Variants in TRPS1 observed in about 807,000 individuals in gnomAD.
The protein encoded by TRPS1 is zinc finger transcription factor Trps1.
In TRPS1, 6 loss-of-function variants were observed where a neutral mutation model predicts 101.2. That is an observed-to-expected ratio of 0.06 (90% confidence interval 0.03 to 0.12). TRPS1 has a LOEUF of 0.12. Among genes scored for constraint, TRPS1 ranks in the 10% least tolerant of loss-of-function variants. The pLI, the probability that TRPS1 is intolerant of heterozygous loss-of-function variation, is 1.00. For missense variants in TRPS1, 1,363 were observed against 1,567.0 expected, an observed-to-expected ratio of 0.87 and a Z score of 2.20; for synonymous variants, 578 against 589.8, an observed-to-expected ratio of 0.98 and a Z score of 0.29.
chr8:115,427,431 T>C (rs1813213807), intron 5 of TRPS1, among the ~76,000 whole-genome samples: 1 of 152,214 alleles, frequency 6.6e-6, no homozygotes, highest in East Asian at 1.9e-4. Context: ...AGTCTCATTA[T>C]CTGATATCCT....
At chr8:115,464,452 G>A (rs139455416) in intron 5 of TRPS1, among the ~76,000 whole-genome samples, 30 of 152,208 alleles carry the variant, frequency 2.0e-4, no homozygotes, top group African/African-American at 6.5e-4. Flanking sequence ...TTAGGAAACT[G>A]TCTGAAGTCT....
At chr8:115,464,285 G>A (rs76958164) in intron 5 of TRPS1, among the ~76,000 whole-genome samples, 3,843 of 152,098 alleles carry the variant, frequency 0.025, 154 homozygotes, top group African/African-American at 0.086. Flanking sequence ...TATAACTAGA[G>A]TGATATTATT....
intron 1 of TRPS1, chr8:115,668,266 G>T (rs1292265656): frequency 8.9e-6 from 2 of 223,672 alleles, no homozygotes. Flanking sequence ...GAAATCACAC[G>T]CTCAAAAAGG....
Position 115,500,694 on chromosome 8 carries a change from C to T in TRPS1, c.2701-82242G>A, listed in dbSNP as rs528152986. Among the ~76,000 whole-genome samples the T allele has an allele frequency of 7.9e-5, 12 of 152,146 alleles. No homozygotes were observed. In the East Asian group the frequency reaches 9.7e-4, roughly 12 times the overall value. ...ACGCCATTCTCTTGCCTCAGCCTCC[C>T]GAGTAGCTGGGACTACAGGCGCCTG... On this transcript the variant is annotated intron_variant, in intron 5 of 6. Coordinates refer to ENST00000395715, the MANE Select transcript of TRPS1 (RefSeq NM_014112.5).
intron 5 of TRPS1, among the ~76,000 whole-genome samples, chr8:115,536,990 T>C (rs1432177842): frequency 6.6e-6 from 1 of 152,158 alleles, no homozygotes; most frequent in Non-Finnish European, 1.5e-5. Flanking sequence ...AAAAATTTCC[T>C]TATCACATCA....
At chr8:115,543,882 C>T (rs777340823) in intron 5 of TRPS1, among the ~76,000 whole-genome samples, 26 of 152,014 alleles carry the variant, frequency 1.7e-4, no homozygotes, top group Non-Finnish European at 3.1e-4. Context: ...CTCTACAACA[C>T]GTTCGATGCT....
At chr8:115,528,506 G>T (rs1381855042) in intron 5 of TRPS1, among the ~76,000 whole-genome samples, 1 of 151,946 alleles carries the variant, frequency 6.6e-6, no homozygotes, top group Non-Finnish European at 1.5e-5. Flanking sequence ...ATTTAAATAC[G>T]ATTTTAAAAG....
intron 5 of TRPS1, among the ~76,000 whole-genome samples, chr8:115,447,575 T>C (rs778263695): frequency 6.6e-6 from 1 of 152,162 alleles, no homozygotes; most frequent in Non-Finnish European, 1.5e-5. Flanking sequence ...CCAAATCCAG[T>C]TGGTATTCCT....
chr8:115,463,359 T>C (rs941433767), intron 5 of TRPS1, among the ~76,000 whole-genome samples: 3 of 152,204 alleles, frequency 2.0e-5, no homozygotes, highest in Non-Finnish European at 4.4e-5. Flanking sequence ...ATGTTCACCC[T>C]TTTCTGAGAT....
chr8:115,530,083 AG>A (rs926933038), intron 5 of TRPS1, among the ~76,000 whole-genome samples: 1 of 152,128 alleles, frequency 6.6e-6, no homozygotes, highest in African/African-American at 2.4e-5. Flanking sequence ...TTTTTAAAAA[AG>A]TTCATGTTAT....
At chr8:115,435,610 T>C (rs1813428838) in intron 5 of TRPS1, among the ~76,000 whole-genome samples, 1 of 152,278 alleles carries the variant, frequency 6.6e-6, no homozygotes, top group South Asian at 2.1e-4. Context: ...AGTGTCACTT[T>C]AAGTAAAAAT....
At chr8:115,561,927 T>A (rs1320193223) in intron 5 of TRPS1, among the ~76,000 whole-genome samples, 2 of 152,094 alleles carry the variant, frequency 1.3e-5, no homozygotes, top group Admixed American at 1.3e-4. Context: ...CCAAGCACCT[T>A]AATCATGTGC....
At chr8:115,561,530 G>A (rs1816945885) in intron 5 of TRPS1, among the ~76,000 whole-genome samples, 1 of 151,656 alleles carries the variant, frequency 6.6e-6, no homozygotes, top group Non-Finnish European at 1.5e-5. Flanking sequence ...GCAATTTGGG[G>A]GCATGTAGAA....
At chr8:115,428,402 A>T (rs972047976) in intron 5 of TRPS1, among the ~76,000 whole-genome samples, 1 of 152,220 alleles carries the variant, frequency 6.6e-6, no homozygotes, top group African/African-American at 2.4e-5. Flanking sequence ...AATGACAAAA[A>T]TACTCCTAAC....
intron 5 of TRPS1, among the ~76,000 whole-genome samples, chr8:115,467,337 A>T (rs532541900): frequency 6.6e-6 from 1 of 152,230 alleles, no homozygotes; most frequent in African/African-American, 2.4e-5. Context: ...TCAATGATTT[A>T]AAAATGCTCC....
At chr8:115,596,755 G>A (rs1817795801) in intron 4 of TRPS1, among the ~76,000 whole-genome samples, 1 of 151,522 alleles carries the variant, frequency 6.6e-6, no homozygotes. Context: ...GTATATTTCA[G>A]ATGTATTTAT....
intron 6 of TRPS1, among the ~76,000 whole-genome samples, chr8:115,417,282 T>G (rs1424265899): frequency 6.6e-6 from 1 of 152,186 alleles, no homozygotes; most frequent in African/African-American, 2.4e-5. Context: ...TCTTTCTACT[T>G]GCTACATGCT....
chr8:115,604,575 A>C lies in TRPS1; in HGVS notation c.1394T>G (p.Leu465Arg). ...TCCGTGCTGCTTGCCATAATGTTCTAGCAGTTTAAGTGAGCTAGATGACTC... is the reference window on the plus strand; with the variant it reads ...TCCGTGCTGCTTGCCATAATGTTCTCGCAGTTTAAGTGAGCTAGATGACTC... Reference protein sequence around the residue: ...SCESSSSLKLLEHYGKQHGAV... With the variant: ...SCESSSSLKLREHYGKQHGAV... Residue 465 changes from leucine to arginine, a missense_variant, in exon 4 of 7, where the codon CTA (leucine) becomes CGA (arginine). Around this residue, in one of 5 missense-constraint regions of TRPS1, gnomAD observed 1,020 missense variants for 1,073.0 expected, o/e 0.95. Transcript: ENST00000395715. The surrounding 1 kb of genome is among the most constrained non-coding windows in gnomAD (Gnocchi z 4.1). 6.2e-7 allele frequency: 1 copy of C among 1,614,058 alleles called. No homozygotes were observed. The highest frequency in any genetic ancestry group is 8.5e-7 in the Non-Finnish European group (1 of 1,180,006).
In TRPS1 at chr8:115,411,076, A is replaced by G. The variant is rs779096720; in HGVS notation, c.*2947T>C. On this transcript the variant is annotated 3_prime_UTR_variant, in exon 7 of 7. Transcript: ENST00000395715. ...AATAAATTTTTGTCTCTTTCAAAAA[A>G]GCCCAACCTCTTCTCCACCAAAATA... 1.3e-5 allele frequency: 2 copies of G among 152,028 alleles called. No individual in the cohort carries two copies. Among genetic ancestry groups the G allele is most frequent in the Non-Finnish European group, 2.9e-5 (2 of 67,932 alleles). The allele number at this position is 152,028 out of a possible 1,614,324, so 9.4% of individuals were successfully genotyped here. A position where few individuals can be genotyped will look rare whatever the true frequency, so the allele number is the denominator to read the frequency against.
Sources: gnomAD v4.1 joint callset for allele counts (sites outside exome capture counted in the v4.1 genomes callset) on GRCh38, gnomAD v4.1.1 for gene constraint, gnomAD v4.1.1 regional missense constraint, Gnocchi (gnomAD v3.1) non-coding constraint, MANE v1.5 for transcripts, NCBI Gene and HGNC (gene_info 2026-07-23, HGNC 2026-07-21) for gene names.